The following SAMD8 variants were observed in gnomAD, a reference collection of about 807,000 sequenced individuals.
The protein encoded by SAMD8 is sterile alpha motif domain containing 8.
SAMD8 carries 20 observed loss-of-function variants against 42.0 expected under a neutral mutation model. The observed-to-expected ratio is 0.48, with a 90% CI of 0.34 to 0.69. The LOEUF (loss-of-function observed/expected upper bound fraction) is 0.69. Among genes scored for constraint, SAMD8 ranks in the 30% least tolerant of loss-of-function variants. SAMD8 has a pLI of 0.01. For missense variants in SAMD8, 328 were observed against 511.6 expected, an observed-to-expected ratio of 0.64 and a Z score of 3.46; for synonymous variants, 162 against 173.0, an observed-to-expected ratio of 0.94 and a Z score of 0.50.
upstream of SAMD8, chr10:75,107,969 T>G: frequency 6.3e-7 from 1 of 1,596,994 alleles, no homozygotes; most frequent in South Asian, 1.1e-5. Flanking sequence ...AGATGGGATA[T>G]GGGCTTGGAC....
chr10:75,115,401 A>G (rs567808189), intron 1 of SAMD8, among the ~76,000 whole-genome samples: 57 of 152,286 alleles, frequency 3.7e-4, no homozygotes, highest in African/African-American at 1.4e-3. Context: ...ATAGGAGAGC[A>G]TGGGCCAGGC....
intron 1 of SAMD8, among the ~76,000 whole-genome samples, chr10:75,130,103 T>A (rs1849240868): frequency 6.6e-6 from 1 of 152,112 alleles, no homozygotes; most frequent in Non-Finnish European, 1.5e-5. Flanking sequence ...TATTAGAAGA[T>A]GAATAACAAC....
chr10:75,168,517 C>T, intron 3 of SAMD8, 24 bp from the exon 4 acceptor site: 1 of 1,606,034 alleles, frequency 6.2e-7, no homozygotes, highest in African/African-American at 1.3e-5. Flanking sequence ...TGATCTTTCC[C>T]CCTTTTTGGT....
intron 1 of SAMD8, among the ~76,000 whole-genome samples, chr10:75,126,670 T>G (rs552251822): frequency 2.2e-3 from 328 of 151,482 alleles, no homozygotes; most frequent in Non-Finnish European, 2.3e-3. Context: ...CTGGCTAATT[T>G]TTTTTTTTTT....
At chr10:75,107,902 G>T, upstream of SAMD8, 1 of 1,400,008 alleles carries the variant, frequency 7.1e-7, no homozygotes. Context: ...TAAAAAGCAG[G>T]GATGGGAGGG....
Position 75,175,699 on chromosome 10 carries a change from C to T in SAMD8, c.793-367C>T, listed in dbSNP as rs540464633. On this transcript the variant is annotated intron_variant, in intron 4 of 5. Coordinates refer to ENST00000542569, the MANE Select transcript of SAMD8 (RefSeq NM_001174156.2). ...TAGTAGCTGGGATTATAGGTGTGCA[C>T]CACCATGCCTGGCTAATTTTTGTAT... Among the ~76,000 whole-genome samples, 9 of 152,140 alleles carry T rather than the reference C, an allele frequency of 5.9e-5. No individual in the cohort carries two copies. The East Asian group carries it at 1.7e-3, about 29-fold the overall frequency.
At chr10:75,167,976 C>G (rs1287057932) in intron 3 of SAMD8, among the ~76,000 whole-genome samples, 1 of 152,138 alleles carries the variant, frequency 6.6e-6, no homozygotes, top group African/African-American at 2.4e-5. Flanking sequence ...TCTTGTATAA[C>G]TCTTTTACTT....
At chr10:75,154,540 G>T (rs1339346854) in intron 2 of SAMD8, among the ~76,000 whole-genome samples, 3 of 152,170 alleles carry the variant, frequency 2.0e-5, no homozygotes, top group Non-Finnish European at 4.4e-5. Flanking sequence ...GTTGTGTAAG[G>T]ACTTGAGGAC....
rs575829110 is a variant in SAMD8, at chr10:75,181,470, G to A, written c.*4778G>A. 1 of 152,278 alleles carries A rather than the reference G, an allele frequency of 6.6e-6. No homozygotes were observed. The highest frequency in any genetic ancestry group is 6.5e-5 in the Admixed American group (1 of 15,302). The allele number at this position is 152,278 out of a possible 1,614,324, so 9.4% of individuals were successfully genotyped here. On this transcript the variant is annotated 3_prime_UTR_variant, in exon 6 of 6. Coordinates refer to ENST00000542569, the MANE Select transcript of SAMD8 (RefSeq NM_001174156.2). ...GCCACCAATTTCAAATAACTAAAAT[G>A]TGACCAATTACTTTGCTTCAAGTTC...
intron 4 of SAMD8, among the ~76,000 whole-genome samples, chr10:75,172,402 T>C (rs1840889381): frequency 6.6e-6 from 1 of 152,062 alleles, no homozygotes; most frequent in Admixed American, 6.6e-5. Context: ...GGCATGATCA[T>C]AGCTCACTGT....
intron 2 of SAMD8, among the ~76,000 whole-genome samples, chr10:75,160,549 A>G (rs550963471): frequency 6.6e-6 from 1 of 152,324 alleles, no homozygotes; most frequent in South Asian, 2.1e-4. Flanking sequence ...ATCCATGTAT[A>G]ATGCATTTTA....
intron 1 of SAMD8, chr10:75,104,017 C>G (rs1450394251): frequency 9.6e-6 from 13 of 1,360,834 alleles, no homozygotes; most frequent in Non-Finnish European, 1.3e-5. Context: ...CCGCCTGGGC[C>G]AGAGCCTCCA....
At chr10:75,143,658 GTC>G (rs1341909666) in intron 1 of SAMD8, among the ~76,000 whole-genome samples, 1 of 151,732 alleles carries the variant, frequency 6.6e-6, no homozygotes, top group African/African-American at 2.4e-5. Context: ...TTCCTAATGT[GTC>G]TGTTTTCTCT....
At chr10:75,164,065 A>T (rs949499976) in intron 2 of SAMD8, among the ~76,000 whole-genome samples, 1 of 152,138 alleles carries the variant, frequency 6.6e-6, no homozygotes, top group Non-Finnish European at 1.5e-5. Flanking sequence ...AAATACAAAA[A>T]GTTAGCCAGG....
chr10:75,165,902 G>A (rs1840664032), intron 3 of SAMD8, among the ~76,000 whole-genome samples: 1 of 150,932 alleles, frequency 6.6e-6, no homozygotes, highest in South Asian at 2.1e-4. Context: ...CTTGAGCCCA[G>A]GAGGTCAAGG....
At chr10:75,172,305 A>T (rs1481564926) in intron 4 of SAMD8, among the ~76,000 whole-genome samples, 2 of 152,044 alleles carry the variant, frequency 1.3e-5, no homozygotes, top group Non-Finnish European at 2.9e-5. Context: ...ATAGTATTCT[A>T]GTTGATTAGG....
upstream of SAMD8, chr10:75,111,406 T>A (rs766582915): frequency 9.5e-5 from 79 of 829,944 alleles, no homozygotes; most frequent in South Asian, 2.5e-4. Flanking sequence ...CTCGGGCCCA[T>A]CTGGAGCCTC....
At chr10:75,164,454 C>T (rs1219604472) in intron 2 of SAMD8, 191 bp from the exon 3 acceptor site, 2 of 946,552 alleles carry the variant, frequency 2.1e-6, no homozygotes, top group Non-Finnish European at 2.5e-6. Context: ...GGACAAGAAA[C>T]AGGTTCCGAT....
intron 1 of SAMD8, among the ~76,000 whole-genome samples, chr10:75,148,600 G>A (rs1056100549): frequency 2.6e-5 from 4 of 152,034 alleles, no homozygotes; most frequent in African/African-American, 7.3e-5. Flanking sequence ...TGATCCACCC[G>A]CCTCGGCCTC....
Sources: gnomAD v4.1 joint callset for allele counts (sites outside exome capture counted in the v4.1 genomes callset) on GRCh38, gnomAD v4.1.1 for gene constraint, MANE v1.5 for transcripts, NCBI Gene and HGNC (gene_info 2026-07-23, HGNC 2026-07-21) for gene names.